Variants in ZNF804B observed in about 807,000 individuals in gnomAD.
ZNF804B encodes zinc finger 804B.
A neutral mutation model predicts 101.4 loss-of-function variants in ZNF804B; 80 were observed. That is an observed-to-expected ratio of 0.79 (90% CI 0.66 to 0.95). The LOEUF (loss-of-function observed/expected upper bound fraction) is 0.95. Ranked by LOEUF, ZNF804B falls within the 40% of genes least tolerant of loss-of-function variation. The probability of loss-of-function intolerance (pLI) is 0.00; values close to 1 mark genes in which losing one functional copy is unlikely to be tolerated. For missense variants in ZNF804B, 1,673 were observed against 1,561.9 expected (o/e 1.07, Z -1.20); for synonymous variants, 622 against 558.8 (o/e 1.11, Z -1.59).
chr7:89,165,172 A>G (rs1016064924), intron 1 of ZNF804B, among the ~76,000 whole-genome samples: 11 of 152,084 alleles, frequency 7.2e-5, no homozygotes, highest in African/African-American at 2.7e-4. Context: ...AAAAGAAATC[A>G]ATTTGACTTT....
rs1330335912 is a variant in ZNF804B, at chr7:89,198,480, TG to T, written c.109-19674del. Among the ~76,000 whole-genome samples, 5 of 152,040 alleles carry T rather than the reference TG, an allele frequency of 3.3e-5. No homozygotes were observed. The East Asian group carries it at 9.7e-4, about 29-fold the overall frequency. On this transcript the variant is annotated intron_variant, in intron 1 of 3. Transcript: ENST00000333190. ...CATTATAGAATCAATTAGATCACAT[TG>T]CAATTAGTGAAAAACACTATAAGCT...
chr7:88,760,188 A>C (rs765906641), intron 1 of ZNF804B, 104 bp downstream of exon 1: 1 of 915,286 alleles, frequency 1.1e-6, no homozygotes. Context: ...GGTGGTGGAC[A>C]TCTAAAACGT....
intron 1 of ZNF804B, among the ~76,000 whole-genome samples, chr7:89,179,323 C>T (rs755127712): frequency 3.3e-5 from 5 of 152,178 alleles, no homozygotes; most frequent in East Asian, 1.9e-4. Context: ...TTCCTACATT[C>T]GTAGGCATGT....
At chr7:89,189,702 G>A (rs527501500) in intron 1 of ZNF804B, among the ~76,000 whole-genome samples, 9 of 152,196 alleles carry the variant, frequency 5.9e-5, no homozygotes, top group African/African-American at 1.9e-4. Flanking sequence ...AGCTTCAAGC[G>A]GGGAAGCAGA....
intron 1 of ZNF804B, among the ~76,000 whole-genome samples, chr7:89,069,004 T>C (rs1789496529): frequency 6.6e-6 from 1 of 152,206 alleles, no homozygotes; most frequent in African/African-American, 2.4e-5. Flanking sequence ...CTGGGAATCA[T>C]TCAGCATGGC....
At chr7:89,210,743 C>A (rs1185602231) in intron 1 of ZNF804B, among the ~76,000 whole-genome samples, 1 of 152,156 alleles carries the variant, frequency 6.6e-6, no homozygotes, top group Non-Finnish European at 1.5e-5. Flanking sequence ...TCCAGTCTAT[C>A]ACTGATGGGC....
intron 1 of ZNF804B, among the ~76,000 whole-genome samples, chr7:88,939,280 C>T: frequency 6.6e-6 from 1 of 151,758 alleles, no homozygotes. Flanking sequence ...ACATATAATA[C>T]CCAATCAAAT....
chr7:89,209,039 T>A (rs2115672550), intron 1 of ZNF804B, among the ~76,000 whole-genome samples: 1 of 152,056 alleles, frequency 6.6e-6, no homozygotes, highest in African/African-American at 2.4e-5. Context: ...ATAATAATAA[T>A]AATCCCTGTT....
chr7:89,332,727 A>G (rs1400330035), intron 3 of ZNF804B, among the ~76,000 whole-genome samples: 1 of 151,904 alleles, frequency 6.6e-6, no homozygotes, highest in African/African-American at 2.4e-5. Flanking sequence ...TATTTTGGTG[A>G]GTAAGAAGCA....
intron 1 of ZNF804B, among the ~76,000 whole-genome samples, chr7:88,920,230 G>A (rs193042818): frequency 6.6e-6 from 1 of 152,132 alleles, no homozygotes; most frequent in African/African-American, 2.4e-5. Context: ...CTATGCAATT[G>A]TGTTGTTATT....
At chr7:88,883,984 A>G (rs886328262) in intron 1 of ZNF804B, among the ~76,000 whole-genome samples, 1 of 152,072 alleles carries the variant, frequency 6.6e-6, no homozygotes, top group African/African-American at 2.4e-5. Context: ...ATTACAGAAA[A>G]AGAAAATTGG....
At chr7:89,244,755 A>G (rs1023411281) in intron 2 of ZNF804B, among the ~76,000 whole-genome samples, 1 of 152,122 alleles carries the variant, frequency 6.6e-6, no homozygotes, top group African/African-American at 2.4e-5. Flanking sequence ...GATGGTGCAA[A>G]ACTAAGGTGT....
At chr7:89,068,896 C>T (rs965893885) in intron 1 of ZNF804B, among the ~76,000 whole-genome samples, 1 of 152,152 alleles carries the variant, frequency 6.6e-6, no homozygotes, top group Non-Finnish European at 1.5e-5. Flanking sequence ...GTTTTAGAAA[C>T]AGTCTTCAAG....
rs572600939 is a variant in ZNF804B at position 88,865,774 on chromosome 7, C to T, written c.108+105690C>T. 7.8e-4 allele frequency among the ~76,000 whole-genome samples: 118 copies of T among 152,186 alleles called. 1 individual carries two copies. The Middle Eastern group carries it at 0.014, about 18-fold the overall frequency. ...ATCTCTTTGGTCTTGCTGTCATCTG[C>T]GCCTAGAGTGATCTTTTCTACTTTT... On this transcript the variant is annotated intron_variant, in intron 1 of 3. Coordinates refer to ENST00000333190, the MANE Select transcript of ZNF804B (RefSeq NM_181646.5).
chr7:88,966,609 A>C (rs983363150), intron 1 of ZNF804B, among the ~76,000 whole-genome samples: 3 of 151,590 alleles, frequency 2.0e-5, no homozygotes, highest in African/African-American at 7.3e-5. Context: ...TAGAATAAAT[A>C]AGAGAAGATG....
intron 2 of ZNF804B, among the ~76,000 whole-genome samples, chr7:89,234,329 T>C (rs932190219): frequency 1.3e-5 from 2 of 151,942 alleles, no homozygotes; most frequent in Non-Finnish European, 2.9e-5. Flanking sequence ...TGGGAGGAAG[T>C]GTATTAAATT....
chr7:89,337,130 T>C lies in ZNF804B; in HGVS notation c.*98T>C, dbSNP rs1791110326. ...TCTGTCAATTATAAGATTTAAAATA[T>C]TGCTGCCAATTCAAAATGTGACAAA... On this transcript the variant is annotated 3_prime_UTR_variant, in exon 4 of 4. Transcript: ENST00000333190. 8.5e-7 allele frequency: 1 copy of C among 1,179,230 alleles called. No homozygotes were observed. Among genetic ancestry groups the C allele is most frequent in the Non-Finnish European group, 1.2e-6 (1 of 856,080 alleles). 73.0% of individuals were successfully genotyped at this position (1,179,230 alleles called of 1,614,324 possible). A position where few individuals can be genotyped will look rare whatever the true frequency, so the allele number is the denominator to read the frequency against.
intron 1 of ZNF804B, among the ~76,000 whole-genome samples, chr7:88,954,874 A>G (rs1007386067): frequency 1.3e-5 from 2 of 151,704 alleles, no homozygotes; most frequent in South Asian, 2.1e-4. Context: ...TTTAGAAGAC[A>G]CTTCCCCAAG....
intron 1 of ZNF804B, among the ~76,000 whole-genome samples, chr7:88,854,387 A>ATTTC (rs1214109627): frequency 3.9e-4 from 43 of 109,264 alleles, no homozygotes; most frequent in Admixed American, 1.1e-3. Flanking sequence ...TCTGTACTGC[A>ATTTC]TTTCTTTCTT....
Sources: gnomAD v4.1 joint callset for allele counts (sites outside exome capture counted in the v4.1 genomes callset) on GRCh38, gnomAD v4.1.1 for gene constraint, MANE v1.5 for transcripts, NCBI Gene and HGNC (gene_info 2026-07-23, HGNC 2026-07-21) for gene names.